Variants in NSD2 observed in about 807,000 individuals in gnomAD.
The protein encoded by NSD2 is nuclear receptor binding SET domain protein 2.
In NSD2, 12 loss-of-function variants were observed where a neutral mutation model predicts 139.0. The ratio of observed to expected loss-of-function variants is 0.09; its 90% CI spans 0.06 to 0.14. The LOEUF (loss-of-function observed/expected upper bound fraction) is 0.14. Ranked by LOEUF, NSD2 falls within the 10% of genes least tolerant of loss-of-function variation. The pLI is 1.00. For synonymous variants in NSD2, 669 were observed against 648.7 expected, an observed-to-expected ratio of 1.03 and a Z score of -0.48; for missense variants, 1,155 against 1,745.0, an observed-to-expected ratio of 0.66 and a Z score of 6.02.
intron 9 of NSD2, chr4:1,944,682 A>G (rs1723437464): frequency 9.4e-6 from 10 of 1,064,176 alleles, no homozygotes; most frequent in Non-Finnish European, 1.0e-5. Context: ...CATATTGGCA[A>G]TAGAGGTCCT....
rs749123768 is a variant in NSD2, at chr4:1,875,280, C to CT, written c.-30+3757dup. On this transcript the variant is annotated intron_variant, in intron 1 of 21. Coordinates refer to ENST00000508803, the MANE Select transcript of NSD2 (RefSeq NM_001042424.3). ...GGCCAAGTTGCAGTATAGCTTTTTA[C>CT]TTTTTTTTTTTTTTTTTTTGGGACA... 6.6e-3 allele frequency among the ~76,000 whole-genome samples: 838 copies of CT among 126,582 alleles called. 4 individuals are homozygous for CT. Among genetic ancestry groups the CT allele is most frequent in the East Asian group, 0.01 (45 of 4,342 alleles). 83.0% of individuals were successfully genotyped at this position (126,582 alleles called of 152,430 possible). A position where few individuals can be genotyped will look rare whatever the true frequency, so the allele number is the denominator to read the frequency against.
intron 1 of NSD2, among the ~76,000 whole-genome samples, chr4:1,895,747 G>A (rs191368365): frequency 5.3e-5 from 8 of 152,306 alleles, no homozygotes; most frequent in Admixed American, 5.2e-4. Context: ...TTCCCTGCAG[G>A]TCCTACCAGT....
At chr4:1,969,170 A>G (rs1460418883) in intron 18 of NSD2, among the ~76,000 whole-genome samples, 1 of 152,098 alleles carries the variant, frequency 6.6e-6, no homozygotes, top group Non-Finnish European at 1.5e-5. Context: ...AAAAGAAGGC[A>G]TGGGGAGCTC....
chr4:1,956,460 A>G lies in NSD2; in HGVS notation c.2881+272A>G, dbSNP rs1724811718. On this transcript the variant is annotated intron_variant, in intron 15 of 21. Coordinates refer to ENST00000508803, the MANE Select transcript of NSD2 (RefSeq NM_001042424.3). The surrounding 1 kb of genome is among the most constrained non-coding windows in gnomAD (Gnocchi z 5.3). ...TTATTTTTAATACTAATTTACAGAAATGTTCCATGGCTTGCCTTTATGTAA... is the reference window on the plus strand; with the variant it reads ...TTATTTTTAATACTAATTTACAGAAGTGTTCCATGGCTTGCCTTTATGTAA... 6.6e-6 allele frequency among the ~76,000 whole-genome samples: 1 copy of G among 152,226 alleles called. No individual in the cohort carries two copies. Among genetic ancestry groups the G allele is most frequent in the Admixed American group, 6.5e-5 (1 of 15,288 alleles).
At chr4:1,966,955 G>A (rs991020551) in intron 18 of NSD2, among the ~76,000 whole-genome samples, 2 of 152,164 alleles carry the variant, frequency 1.3e-5, no homozygotes, top group East Asian at 1.9e-4. Context: ...TAGAGAATTG[G>A]AAAACTGGAG....
chr4:1,897,041 CT>C (rs1164296332), intron 1 of NSD2, among the ~76,000 whole-genome samples: 1 of 151,820 alleles, frequency 6.6e-6, no homozygotes, highest in Non-Finnish European at 1.5e-5. Flanking sequence ...TGGCAAGTGC[CT>C]TGTAGTCCTC....
At position 1,953,501 on chromosome 4, in the gene NSD2, C is replaced by G. The variant is rs1724491641; in HGVS notation, c.2315C>G (p.Pro772Arg). The G allele has an allele frequency of 6.2e-7, 1 of 1,612,782 alleles. No homozygotes were observed. The highest frequency in any genetic ancestry group is 1.7e-5 in the Admixed American group (1 of 59,956). Residue 772 changes from proline to arginine, a missense_variant, in exon 12 of 22, where the codon CCT (proline) becomes CGT (arginine). By Grantham distance (103) the Pro-to-Arg change is moderately radical (BLOSUM62 -2). Transcript: ENST00000508803. ...TGTGTGAGCTGCCATGCTTCCAACC[C>G]TTCAAACCCAAGGCCGTCAAAAGGT... ...HSCVSCHASN[P>R]SNPRPSKGKM... is the part of the protein sequence containing the mutation.
At chr4:1,944,054 A>G in intron 9 of NSD2, 1 of 1,059,244 alleles carries the variant, frequency 9.4e-7, no homozygotes, top group African/African-American at 1.6e-5. Context: ...ACATGGGGGA[A>G]CGTGGATGGG....
At chr4:1,920,876 A>AG (rs1388618968) in intron 5 of NSD2, among the ~76,000 whole-genome samples, 2 of 151,728 alleles carry the variant, frequency 1.3e-5, no homozygotes, top group Admixed American at 6.6e-5. Flanking sequence ...AAAAAAAAAA[A>AG]AATTTTTTTT....
chr4:1,915,715 T>C lies in NSD2; in HGVS notation c.761-1156T>C, dbSNP rs561928940. On this transcript the variant is annotated intron_variant, in intron 3 of 21. Coordinates refer to ENST00000508803, the MANE Select transcript of NSD2 (RefSeq NM_001042424.3). ...CCCTCCTTTGCATTAGAGGGTCTGATTGGCCATTGACCACTTAATTGGGGG... is the reference window on the plus strand; with the variant it reads ...CCCTCCTTTGCATTAGAGGGTCTGACTGGCCATTGACCACTTAATTGGGGG... 3.3e-3 allele frequency among the ~76,000 whole-genome samples: 507 copies of C among 152,300 alleles called. 1 individual carries two copies. The highest frequency in any genetic ancestry group is 0.012 in the African/African-American group (491 of 41,568).
chr4:1,936,898 T>A (rs2108883834), intron 7 of NSD2, among the ~76,000 whole-genome samples: 1 of 152,274 alleles, frequency 6.6e-6, no homozygotes, highest in African/African-American at 2.4e-5. Flanking sequence ...CCCTGCGCCA[T>A]TTTTCTGGCC....
In NSD2 at chr4:1,948,752, C is replaced by G. The variant is rs1328305438; in HGVS notation, c.1882-2320C>G. 1 of 1,048,094 alleles carries G rather than the reference C, an allele frequency of 9.5e-7. No individual in the cohort carries two copies. The highest frequency in any genetic ancestry group is 5.6e-5 in the East Asian group (1 of 17,942). 64.9% of individuals were successfully genotyped at this position (1,048,094 alleles called of 1,614,324 possible). ...AACAGACTTTGTTAATGTAGGAAAT[C>G]TCTCCAAGTGGAAACGTGCTAACTT... is the stretch of plus-strand genomic sequence containing the variant. On this transcript the variant is annotated intron_variant, in intron 9 of 21. Coordinates refer to ENST00000508803, the MANE Select transcript of NSD2 (RefSeq NM_001042424.3). This position sits in a 1 kb window ranked among gnomAD's most constrained non-coding sequence, Gnocchi z 4.5.
chr4:1,941,942 G>T (rs1243827793), intron 9 of NSD2: 1 of 1,075,534 alleles, frequency 9.3e-7, no homozygotes, highest in South Asian at 4.3e-5. Context: ...TGCTGGGCCC[G>T]ATTCTGATAT....
chr4:1,968,050 G>A (rs1316351924), intron 18 of NSD2, among the ~76,000 whole-genome samples: 1 of 152,144 alleles, frequency 6.6e-6, no homozygotes, highest in Non-Finnish European at 1.5e-5. Context: ...AACCAAATTG[G>A]CAGCATATTA....
intron 2 of NSD2, among the ~76,000 whole-genome samples, chr4:1,903,616 AGACC>A: frequency 6.6e-6 from 1 of 152,316 alleles, no homozygotes; most frequent in African/African-American, 2.4e-5. Flanking sequence ...GTACCATTAA[AGACC>A]GTCTATTAAT....
chr4:1,942,556 T>A lies in NSD2; in HGVS notation c.1881+2778T>A. 1 of 1,388,760 alleles carries A rather than the reference T, an allele frequency of 7.2e-7. No individual in the cohort carries two copies. Among genetic ancestry groups the A allele is most frequent in the Non-Finnish European group, 9.4e-7 (1 of 1,068,774 alleles). 86.0% of individuals were successfully genotyped at this position (1,388,760 alleles called of 1,614,324 possible). A position where few individuals can be genotyped will look rare whatever the true frequency, so the allele number is the denominator to read the frequency against. On this transcript the variant is annotated intron_variant, in intron 9 of 21. Coordinates refer to ENST00000508803, the MANE Select transcript of NSD2 (RefSeq NM_001042424.3). This position sits in a 1 kb window ranked among gnomAD's most constrained non-coding sequence, Gnocchi z 4.0. The stretch of plus-strand genomic sequence containing the variant: ...AATGAAGAAAACAGATAACAAATTT[T>A]AAGACCAAGGTAAGATAACTAATCA...
At position 1,956,437 on chromosome 4, in the gene NSD2, A is replaced by G. The variant is rs1724808994; in HGVS notation, c.2881+249A>G. On this transcript the variant is annotated intron_variant, in intron 15 of 21. Transcript: ENST00000508803. The surrounding 1 kb of genome is among the most constrained non-coding windows in gnomAD (Gnocchi z 5.3). Reference sequence around the variant, plus strand: ...TCTGTAAACCTATTATTCAGAAATTATTTTTAATACTAATTTACAGAAATG... The same window carrying G: ...TCTGTAAACCTATTATTCAGAAATTGTTTTTAATACTAATTTACAGAAATG... Among the ~76,000 whole-genome samples the G allele has an allele frequency of 6.6e-6, 1 of 152,212 alleles. No homozygotes were observed. The highest frequency in any genetic ancestry group is 1.5e-5 in the Non-Finnish European group (1 of 68,036).
intron 17 of NSD2, among the ~76,000 whole-genome samples, chr4:1,960,141 G>A (rs1299048170): frequency 2.6e-5 from 4 of 152,224 alleles, no homozygotes; most frequent in African/African-American, 9.6e-5. Context: ...TTTTAGGCAA[G>A]AGCCTCTGTG....
Position 1,958,139 on chromosome 4 carries a change from A to C in NSD2, c.2985+103A>C. 5.2e-6 allele frequency: 6 copies of C among 1,164,746 alleles called. No individual in the cohort carries two copies. Among genetic ancestry groups the C allele is most frequent in the Non-Finnish European group, 6.2e-6 (5 of 807,516 alleles). 72.2% of individuals were successfully genotyped at this position (1,164,746 alleles called of 1,614,324 possible). A position where few individuals can be genotyped will look rare whatever the true frequency, so the allele number is the denominator to read the frequency against. ...GGCTATGGCTGGGGAGAGGACTGTC[A>C]CCAGCCAGGATCTGTGGTGCCTGGC... is the stretch of plus-strand genomic sequence containing the variant. On this transcript the variant is annotated intron_variant, in intron 16 of 21. Coordinates refer to ENST00000508803, the MANE Select transcript of NSD2 (RefSeq NM_001042424.3). This position sits in a 1 kb window ranked among gnomAD's most constrained non-coding sequence, Gnocchi z 4.6.
Sources: gnomAD v4.1 joint callset for allele counts (sites outside exome capture counted in the v4.1 genomes callset) on GRCh38, gnomAD v4.1.1 for gene constraint, Gnocchi (gnomAD v3.1) non-coding constraint, MANE v1.5 for transcripts, NCBI Gene and HGNC (gene_info 2026-07-23, HGNC 2026-07-21) for gene names.